The following SEPTIN10 variants were observed in gnomAD, a reference collection of about 807,000 sequenced individuals.
SEPTIN10 encodes the protein septin 10, also known as septin-10.
Under a neutral mutation model 54.8 loss-of-function variants are expected in SEPTIN10, and 66 were observed. The ratio of observed to expected loss-of-function variants is 1.21; its 90% CI spans 0.99 to 1.48. SEPTIN10 has a LOEUF of 1.48. Among genes scored for constraint, SEPTIN10 ranks in the 40% most tolerant of loss-of-function variants. SEPTIN10 has a pLI of 0.00. For synonymous variants in SEPTIN10, 161 were observed against 181.0 expected, an observed-to-expected ratio of 0.89 and a Z score of 0.89; for missense variants, 620 against 545.6, an observed-to-expected ratio of 1.14 and a Z score of -1.36.
chr2:109,582,343 G>C (rs1243052362), intron 4 of SEPTIN10, among the ~76,000 whole-genome samples: 2 of 152,026 alleles, frequency 1.3e-5, no homozygotes, highest in Non-Finnish European at 2.9e-5. Context: ...TTTTTGAGAA[G>C]GTATCACTCT....
Position 109,606,805 on chromosome 2 carries a change from G to A in SEPTIN10, c.30+6993C>T, listed in dbSNP as rs780821960. Reference sequence around the variant, plus strand: ...AGCGATTCTCCTGCCTTAGCCTCCCGAGTAGCTGGGACTACAGGCACGCAC... The same window carrying A: ...AGCGATTCTCCTGCCTTAGCCTCCCAAGTAGCTGGGACTACAGGCACGCAC... On this transcript the variant is annotated intron_variant, in intron 1 of 10. Coordinates refer to ENST00000397712, the MANE Select transcript of SEPTIN10 (RefSeq NM_144710.5). 2.7e-5 allele frequency among the ~76,000 whole-genome samples: 4 copies of A among 147,040 alleles called. No homozygotes were observed. The East Asian group carries it at 6.2e-4, about 23-fold the overall frequency.
chr2:109,596,493 T>C (rs1203848181), intron 1 of SEPTIN10, among the ~76,000 whole-genome samples: 1 of 152,048 alleles, frequency 6.6e-6, no homozygotes, highest in African/African-American at 2.4e-5. Context: ...GGCAGGCACC[T>C]GTAGTCCCAG....
At chr2:109,564,232 G>T in intron 8 of SEPTIN10, 134 bp downstream of exon 8, 1 of 771,364 alleles carries the variant, frequency 1.3e-6, no homozygotes, top group Non-Finnish European at 1.9e-6. Flanking sequence ...ACAATAATTA[G>T]TCATTACCAA....
At chr2:109,544,490 T>C in intron 10 of SEPTIN10, 166 bp from the exon 11 acceptor site, 1 of 985,328 alleles carries the variant, frequency 1.0e-6, no homozygotes. Context: ...TAAATTCTTC[T>C]AGAGAGCTCT....
intron 1 of SEPTIN10, chr2:109,613,347 A>G (rs1699692184): frequency 5.5e-6 from 2 of 360,612 alleles, no homozygotes; most frequent in South Asian, 4.9e-5. Context: ...ACCATCGGAT[A>G]AAACGGGAGA....
chr2:109,607,119 TTGAG>T (rs1453593888), intron 1 of SEPTIN10, among the ~76,000 whole-genome samples: 1 of 152,248 alleles, frequency 6.6e-6, no homozygotes, highest in African/African-American at 2.4e-5. Flanking sequence ...TAGCTCAATA[TTGAG>T]CTTTTTGTAA....
intron 1 of SEPTIN10, among the ~76,000 whole-genome samples, chr2:109,608,381 A>G (rs961738287): frequency 1.1e-4 from 16 of 152,192 alleles, no homozygotes; most frequent in African/African-American, 3.6e-4. Context: ...AGACAATAGG[A>G]CTTTCTTGCT....
chr2:109,574,824 G>A, intron 4 of SEPTIN10, 57 bp from the exon 5 acceptor site: 2 of 1,272,812 alleles, frequency 1.6e-6, no homozygotes, highest in Non-Finnish European at 1.1e-6. Context: ...TAAGATATCT[G>A]TGCAACTCTT....
At chr2:109,552,815 G>C (rs1420748170) in intron 9 of SEPTIN10, 1 of 347,714 alleles carries the variant, frequency 2.9e-6, no homozygotes, top group African/African-American at 2.2e-5. Context: ...GCACCCAAGA[G>C]GGTAGCTGCT....
Position 109,555,152 on chromosome 2 carries a change from C to T in SEPTIN10, c.1029-1933G>A, listed in dbSNP as rs568151860. Reference sequence around the variant, plus strand: ...TAGATTTTCCACCAAAAACACAGATCTCATTATCTTTTCTCACCACATTAA... The same window carrying T: ...TAGATTTTCCACCAAAAACACAGATTTCATTATCTTTTCTCACCACATTAA... On this transcript the variant is annotated intron_variant, in intron 8 of 10. Transcript: ENST00000397712. 1.1e-4 allele frequency among the ~76,000 whole-genome samples: 16 copies of T among 152,298 alleles called. 1 individual carries two copies. In the East Asian group the frequency reaches 1.5e-3, roughly 15 times the overall value.
At chr2:109,588,479 T>C (rs549791327) in intron 2 of SEPTIN10, among the ~76,000 whole-genome samples, 7 of 152,312 alleles carry the variant, frequency 4.6e-5, no homozygotes, top group African/African-American at 1.7e-4. Context: ...TTCTACAGTA[T>C]ACATAAAGTG....
At chr2:109,577,548 C>T (rs1323252885) in intron 4 of SEPTIN10, among the ~76,000 whole-genome samples, 6 of 150,612 alleles carry the variant, frequency 4.0e-5, no homozygotes, top group African/African-American at 7.3e-5. Context: ...GCCGAGATCG[C>T]GCCATTGCAT....
At position 109,544,186 on chromosome 2, in the gene SEPTIN10, T is replaced by G. The variant is rs1439697357; in HGVS notation, c.*123A>C. 5.6e-6 allele frequency: 9 copies of G among 1,597,842 alleles called. No homozygotes were observed. The highest frequency in any genetic ancestry group is 7.7e-6 in the Non-Finnish European group (9 of 1,172,528). The stretch of plus-strand genomic sequence containing the variant: ...GTACTTTTCCATAAATATCAGTAAC[T>G]GTGGCTGTTCACCAAATATAGAAGT... On this transcript the variant is annotated 3_prime_UTR_variant, in exon 11 of 11. Transcript: ENST00000397712.
At chr2:109,580,515 A>T (rs931441574) in intron 4 of SEPTIN10, among the ~76,000 whole-genome samples, 4 of 152,196 alleles carry the variant, frequency 2.6e-5, no homozygotes, top group African/African-American at 9.6e-5. Context: ...ATGGTAAAAA[A>T]TAAAGCTTTC....
At chr2:109,604,427 AAG>A (rs1697454726) in intron 1 of SEPTIN10, among the ~76,000 whole-genome samples, 1 of 134,206 alleles carries the variant, frequency 7.5e-6, no homozygotes, top group Non-Finnish European at 1.6e-5. Context: ...AGAAAAAAGA[AAG>A]AAAGAAAAGA....
At position 109,564,360 on chromosome 2, in the gene SEPTIN10, C is replaced by T. The variant is rs893305992; in HGVS notation, c.1028+6G>A. On this transcript the variant is annotated splice_donor_region_variant and intron_variant, in intron 8 of 10. Coordinates refer to ENST00000397712, the MANE Select transcript of SEPTIN10 (RefSeq NM_144710.5). ...TTTGGTTGGCTTCCCAAGAACCCCACCCTACCTGACTGGCTTGTTTTCTGG... is the reference window on the plus strand; with the variant it reads ...TTTGGTTGGCTTCCCAAGAACCCCATCCTACCTGACTGGCTTGTTTTCTGG... The T allele has an allele frequency of 4.5e-6, 7 of 1,541,452 alleles. No homozygotes were observed. The highest frequency in any genetic ancestry group is 1.4e-5 in the African/African-American group (1 of 73,208).
At chr2:109,571,097 TCTC>T (rs372385420) in intron 5 of SEPTIN10, among the ~76,000 whole-genome samples, 2 of 152,092 alleles carry the variant, frequency 1.3e-5, no homozygotes, top group Non-Finnish European at 2.9e-5. Flanking sequence ...CCCCCTGCAC[TCTC>T]CTCCTCCTTC....
chr2:109,592,588 T>C (rs898044952), intron 2 of SEPTIN10, among the ~76,000 whole-genome samples: 16 of 151,742 alleles, frequency 1.1e-4, no homozygotes, highest in African/African-American at 3.6e-4. Flanking sequence ...AAAACTAGCC[T>C]ACCAACATGG....
intron 2 of SEPTIN10, 28 bp from the exon 3 acceptor site, chr2:109,585,866 A>G: frequency 1.9e-6 from 3 of 1,573,574 alleles, no homozygotes; most frequent in Non-Finnish European, 2.6e-6. Context: ...CAAAAACAAC[A>G]GCAATAAAAA....
Sources: gnomAD v4.1 joint callset for allele counts (sites outside exome capture counted in the v4.1 genomes callset) on GRCh38, gnomAD v4.1.1 for gene constraint, MANE v1.5 for transcripts, NCBI Gene and HGNC (gene_info 2026-07-23, HGNC 2026-07-21) for gene names.